The following CMTM8 variants were observed in gnomAD, a reference collection of about 807,000 sequenced individuals.
The protein encoded by CMTM8 is CKLF-like MARVEL transmembrane domain-containing protein 8.
In CMTM8, 12 loss-of-function variants were observed where a neutral mutation model predicts 18.6. That is an observed-to-expected ratio of 0.65 (90% CI 0.41 to 1.05). The LOEUF is 1.05. Among genes scored for constraint, CMTM8 ranks in the 50% least tolerant of loss-of-function variants. The probability of loss-of-function intolerance (pLI) is 0.00; values close to 1 mark genes in which losing one functional copy is unlikely to be tolerated. For synonymous variants in CMTM8, 87 were observed against 90.6 expected (o/e 0.96, Z 0.23); for missense variants, 217 against 227.2 (o/e 0.95, Z 0.29).
At chr3:32,328,018 T>A (rs893115288) in intron 1 of CMTM8, among the ~76,000 whole-genome samples, 1 of 151,970 alleles carries the variant, frequency 6.6e-6, no homozygotes, top group Admixed American at 6.6e-5. Flanking sequence ...TGAGACAAGC[T>A]TAGAAAACAT....
At chr3:32,295,479 C>CAAAAAAA (rs58774314) in intron 1 of CMTM8, among the ~76,000 whole-genome samples, 1 of 82,466 alleles carries the variant, frequency 1.2e-5, no homozygotes, top group Non-Finnish European at 2.1e-5. Flanking sequence ...AAAAAAAAAA[C>CAAAAAAA]AAAACAAAAC....
chr3:32,368,360 T>C (rs1369946169), intron 3 of CMTM8, among the ~76,000 whole-genome samples: 1 of 152,180 alleles, frequency 6.6e-6, no homozygotes, highest in Non-Finnish European at 1.5e-5. Flanking sequence ...AAAATATTTG[T>C]TTATGCATTG....
At chr3:32,307,877 G>A (rs1184841890) in intron 1 of CMTM8, among the ~76,000 whole-genome samples, 1 of 152,168 alleles carries the variant, frequency 6.6e-6, no homozygotes, top group African/African-American at 2.4e-5. Flanking sequence ...GAGCCAGTCT[G>A]GGGCAAAAGT....
Position 32,298,403 on chromosome 3 carries a change from G to T in CMTM8, c.148-58970G>T, listed in dbSNP as rs117511966. Among the ~76,000 whole-genome samples the T allele has an allele frequency of 6.0e-5, 9 of 149,704 alleles. No homozygotes were observed. The East Asian group carries it at 1.8e-3, about 29-fold the overall frequency. Reference sequence around the variant, plus strand: ...TAAAAACTCTATATAAATATTTGAGGATCTAAAATACAGAGATACTATAAA... The same window carrying T: ...TAAAAACTCTATATAAATATTTGAGTATCTAAAATACAGAGATACTATAAA... On this transcript the variant is annotated intron_variant, in intron 1 of 3. Transcript: ENST00000307526.
In CMTM8 at chr3:32,361,286, G is replaced by GTTTTTTTTTTGTTTGTTTTT. The variant is rs58364646; in HGVS notation, c.321+3749_321+3750insTGTTTGTTTTTTTTTTTTTT. On this transcript the variant is annotated intron_variant, in intron 2 of 3. Transcript: ENST00000307526. Reference sequence around the variant, plus strand: ...GTGAGCCACGGCGCCCAGCCTAAGAGTTTTTTTTTCTTTCAAATTTTGGAA... The same window carrying GTTTTTTTTTTGTTTGTTTTT: ...GTGAGCCACGGCGCCCAGCCTAAGAGTTTTTTTTTTGTTTGTTTTTTTTTTTTTTCTTTCAAATTTTGGAA... Among the ~76,000 whole-genome samples, 8 of 87,272 alleles carry GTTTTTTTTTTGTTTGTTTTT rather than the reference G, an allele frequency of 9.2e-5. No individual in the cohort carries two copies. In the South Asian group the frequency reaches 1.8e-3, roughly 20 times the overall value. The allele number at this position is 87,272 out of a possible 152,430, so 57.3% of individuals were successfully genotyped here.
In CMTM8 at chr3:32,343,550, G is replaced by T. The variant is rs553350744; in HGVS notation, c.148-13823G>T. Among the ~76,000 whole-genome samples, 8 of 152,272 alleles carry T rather than the reference G, an allele frequency of 5.3e-5. No individual in the cohort carries two copies. In the East Asian group the frequency reaches 1.5e-3, roughly 29 times the overall value. ...CACTTCCTCTGACCTTCCAGACTTG[G>T]TTGTGTCCTTGTGCTTTGCATTCTT... On this transcript the variant is annotated intron_variant, in intron 1 of 3. Transcript: ENST00000307526.
At chr3:32,354,448 C>T (rs9682322) in intron 1 of CMTM8, among the ~76,000 whole-genome samples, 31,361 of 152,084 alleles carry the variant, frequency 0.21, 3,299 homozygotes, top group East Asian at 0.24. Context: ...CTTTGAAAGA[C>T]GGCTCAGTTA....
chr3:32,350,106 G>T (rs1349530016), intron 1 of CMTM8, among the ~76,000 whole-genome samples: 2 of 152,254 alleles, frequency 1.3e-5, no homozygotes, highest in East Asian at 3.9e-4. Context: ...CAGAAGTGGG[G>T]CAATCACCCA....
At position 32,335,407 on chromosome 3, in the gene CMTM8, A is replaced by G. The variant is rs115653745; in HGVS notation, c.148-21966A>G. Among the ~76,000 whole-genome samples the G allele has an allele frequency of 4.0e-3, 614 of 152,292 alleles. 3 individuals carry two copies. Among genetic ancestry groups the G allele is most frequent in the Middle Eastern group, 0.014 (4 of 294 alleles). On this transcript the variant is annotated intron_variant, in intron 1 of 3. Coordinates refer to ENST00000307526, the MANE Select transcript of CMTM8 (RefSeq NM_178868.5). ...GTGGTGGGTGGTGGAACTCTATGGT[A>G]AGCTGTACATCTCCGGTCGGAAGCA...
chr3:32,333,668 G>A (rs969674766), intron 1 of CMTM8, among the ~76,000 whole-genome samples: 1 of 149,770 alleles, frequency 6.7e-6, no homozygotes, highest in Admixed American at 6.7e-5. Flanking sequence ...AAAAGGTACC[G>A]AGACATTGGA....
At chr3:32,359,940 A>T (rs1696890654) in intron 2 of CMTM8, among the ~76,000 whole-genome samples, 1 of 152,218 alleles carries the variant, frequency 6.6e-6, no homozygotes, top group African/African-American at 2.4e-5. Flanking sequence ...GAATTCCATC[A>T]GCATTTGTTT....
intron 1 of CMTM8, among the ~76,000 whole-genome samples, chr3:32,314,738 A>G (rs1695885467): frequency 6.6e-6 from 1 of 152,072 alleles, no homozygotes; most frequent in Admixed American, 6.5e-5. Flanking sequence ...TGGCCTCCCA[A>G]AGTGCTTGGA....
chr3:32,313,580 C>T (rs944021682), intron 1 of CMTM8, among the ~76,000 whole-genome samples: 18 of 152,144 alleles, frequency 1.2e-4, no homozygotes, highest in Non-Finnish European at 5.9e-5. Flanking sequence ...GCTGAGATTA[C>T]AGGTTTGAGC....
At chr3:32,349,808 G>A (rs1271040279) in intron 1 of CMTM8, among the ~76,000 whole-genome samples, 2 of 152,118 alleles carry the variant, frequency 1.3e-5, no homozygotes, top group South Asian at 4.1e-4. Flanking sequence ...AGGAGTTCGA[G>A]ACCAGCCTGG....
rs144431874 is a variant in CMTM8 at position 32,275,666 on chromosome 3, T to TTG, written c.147+36547_147+36548insTG. 8.2e-3 allele frequency among the ~76,000 whole-genome samples: 767 copies of TTG among 93,396 alleles called. 4 individuals are homozygous for TTG. The highest frequency in any genetic ancestry group is 0.019 in the African/African-American group (472 of 25,356). 61.3% of individuals were successfully genotyped at this position (93,396 alleles called of 152,430 possible). On this transcript the variant is annotated intron_variant, in intron 1 of 3. Transcript: ENST00000307526. Reference sequence around the variant, plus strand: ...TTCCTTTTTTTTTTTTTTTTTTTTTTGGGGACAGAGTCTTGCTGTGTCACC... The same window carrying TTG: ...TTCCTTTTTTTTTTTTTTTTTTTTTTTGGGGGACAGAGTCTTGCTGTGTCACC...
intron 1 of CMTM8, among the ~76,000 whole-genome samples, chr3:32,275,877 T>C (rs1003825815): frequency 8.5e-5 from 13 of 152,086 alleles, no homozygotes; most frequent in African/African-American, 3.1e-4. Context: ...CTTAAACTCC[T>C]GGCCTCAAGT....
At chr3:32,309,789 C>T (rs1015000905) in intron 1 of CMTM8, among the ~76,000 whole-genome samples, 6 of 152,172 alleles carry the variant, frequency 3.9e-5, no homozygotes, top group African/African-American at 1.4e-4. Flanking sequence ...TGTGTTAGCC[C>T]TGTCTGTGCT....
At chr3:32,292,535 C>A (rs1035528840) in intron 1 of CMTM8, among the ~76,000 whole-genome samples, 1 of 152,164 alleles carries the variant, frequency 6.6e-6, no homozygotes, top group African/African-American at 2.4e-5. Flanking sequence ...ATCTTGCTCT[C>A]CCCCGCCTTC....
chr3:32,245,034 C>T (rs1701991841), intron 1 of CMTM8, among the ~76,000 whole-genome samples: 1 of 152,068 alleles, frequency 6.6e-6, no homozygotes, highest in South Asian at 2.1e-4. Flanking sequence ...AGTTTTTGTT[C>T]ATGTTTTAAT....
Sources: allele counts gnomAD v4.1 joint callset (sites outside exome capture counted in the v4.1 genomes callset), GRCh38; gene constraint gnomAD v4.1.1; transcripts MANE v1.5; gene names NCBI Gene and HGNC (gene_info 2026-07-23, HGNC 2026-07-21).